The following CLEC9A variants were observed in gnomAD, a reference collection of about 807,000 sequenced individuals.
CLEC9A encodes the protein C-type lectin domain containing 9A.
In CLEC9A, 24 loss-of-function variants were observed where a neutral mutation model predicts 30.0. The ratio of observed to expected loss-of-function variants is 0.80; its 90% CI spans 0.58 to 1.13. The LOEUF (loss-of-function observed/expected upper bound fraction) is 1.13, where lower values mean the gene tolerates loss of function less well. Among genes scored for constraint, CLEC9A ranks in the 50% most tolerant of loss-of-function variants. The probability of loss-of-function intolerance (pLI) is 0.00; values close to 1 mark genes in which losing one functional copy is unlikely to be tolerated. For missense variants in CLEC9A, 251 were observed against 280.9 expected (o/e 0.89, Z 0.76); for synonymous variants, 111 against 96.8 (o/e 1.15, Z -0.86).
chr12:10,049,212 G>A (rs968312156), intron 2 of CLEC9A, among the ~76,000 whole-genome samples: 2 of 152,066 alleles, frequency 1.3e-5, no homozygotes, highest in Non-Finnish European at 2.9e-5. Flanking sequence ...AGTAAACAAT[G>A]CTATAAACAA....
intron 4 of CLEC9A, among the ~76,000 whole-genome samples, chr12:10,053,322 A>G (rs1865912128): frequency 6.6e-6 from 1 of 152,192 alleles, no homozygotes; most frequent in Admixed American, 6.5e-5. Context: ...ATGGATTTCA[A>G]TGGGCTGAAA....
intron 1 of CLEC9A, among the ~76,000 whole-genome samples, chr12:10,033,643 T>C (rs1405579231): frequency 2.0e-5 from 3 of 152,244 alleles, no homozygotes; most frequent in Admixed American, 2.0e-4. Flanking sequence ...GAAAATATTG[T>C]TCACCTTGGA....
At chr12:10,052,535 C>G in intron 3 of CLEC9A, 95 bp from the exon 4 acceptor site, 1 of 1,317,768 alleles carries the variant, frequency 7.6e-7, no homozygotes, top group Non-Finnish European at 9.7e-7. Context: ...AATGAAGGTG[C>G]ATCTATTCTA....
intron 2 of CLEC9A, among the ~76,000 whole-genome samples, chr12:10,048,239 CAA>C (rs34010283): frequency 1.7e-4 from 22 of 130,720 alleles, no homozygotes; most frequent in South Asian, 4.8e-4. Context: ...GACTCCGTCT[CAA>C]AAAAAAAAAA....
intron 2 of CLEC9A, among the ~76,000 whole-genome samples, chr12:10,046,561 A>G (rs1398663365): frequency 2.0e-5 from 3 of 152,222 alleles, no homozygotes; most frequent in Non-Finnish European, 4.4e-5. Context: ...AAGTATTTAT[A>G]GAATACATGG....
chr12:10,056,847 C>T (rs1397780055), intron 5 of CLEC9A, among the ~76,000 whole-genome samples: 1 of 152,054 alleles, frequency 6.6e-6, no homozygotes, highest in Non-Finnish European at 1.5e-5. Flanking sequence ...CCTAAGACTT[C>T]CAGTAATTTC....
chr12:10,062,978 G>A (rs1204134673), intron 6 of CLEC9A, 77 bp from the exon 7 acceptor site: 1 of 1,331,526 alleles, frequency 7.5e-7, no homozygotes, highest in Non-Finnish European at 1.0e-6. Flanking sequence ...TGAGGGTGAG[G>A]CAAGGGGCTT....
At chr12:10,050,342 G>GA (rs1218848142) in intron 2 of CLEC9A, among the ~76,000 whole-genome samples, 15 of 152,308 alleles carry the variant, frequency 9.8e-5, no homozygotes, top group Middle Eastern at 3.4e-3. Flanking sequence ...AAATGGCACT[G>GA]ATAGGATTGC....
intron 7 of CLEC9A, 28 bp downstream of exon 7, chr12:10,063,234 A>G: frequency 1.3e-6 from 2 of 1,509,574 alleles, no homozygotes; most frequent in Admixed American, 2.4e-5. Context: ...GTCTCATGTT[A>G]TTCTGAAAAT....
chr12:10,041,305 G>A (rs1865795477), intron 1 of CLEC9A, among the ~76,000 whole-genome samples, 161 bp from the exon 2 acceptor site: 2 of 152,092 alleles, frequency 1.3e-5, no homozygotes, highest in African/African-American at 4.8e-5. Context: ...GGCACTTTTA[G>A]TAGGTATTGT....
chr12:10,041,282 A>T (rs967804894), intron 1 of CLEC9A, among the ~76,000 whole-genome samples, 184 bp from the exon 2 acceptor site: 4 of 152,112 alleles, frequency 2.6e-5, no homozygotes, highest in African/African-American at 9.7e-5. Flanking sequence ...AAACAAACAA[A>T]AAAAAACAGA....
chr12:10,054,378 T>C (rs1250222292), intron 5 of CLEC9A, 27 bp downstream of exon 5: 1 of 1,440,862 alleles, frequency 6.9e-7, no homozygotes, highest in South Asian at 1.2e-5. Context: ...ATTTTCAAAA[T>C]ATGTATATCG....
chr12:10,065,161 C>T (rs1223221877), intron 8 of CLEC9A, among the ~76,000 whole-genome samples: 2 of 152,036 alleles, frequency 1.3e-5, no homozygotes, highest in Non-Finnish European at 2.9e-5. Flanking sequence ...TATTTATTTC[C>T]ACATTAAGCT....
At chr12:10,064,898 G>C (rs760512341) in intron 8 of CLEC9A, 45 bp downstream of exon 8, 21 of 1,590,036 alleles carry the variant, frequency 1.3e-5, no homozygotes, top group Non-Finnish European at 1.8e-5. Flanking sequence ...AGAAACATGA[G>C]GGAATTCAAA....
chr12:10,059,658 C>T (rs930770159), intron 5 of CLEC9A, among the ~76,000 whole-genome samples: 1 of 152,122 alleles, frequency 6.6e-6, no homozygotes, highest in Non-Finnish European at 1.5e-5. Flanking sequence ...TGTGGTGGCT[C>T]ATGCCTATAA....
chr12:10,055,399 T>A (rs1437119096), intron 5 of CLEC9A, among the ~76,000 whole-genome samples: 2 of 152,190 alleles, frequency 1.3e-5, no homozygotes. Context: ...CTGTAAAAAT[T>A]GAGGACTTTA....
At chr12:10,037,418 G>A (rs374128162) in intron 1 of CLEC9A, among the ~76,000 whole-genome samples, 30 of 151,676 alleles carry the variant, frequency 2.0e-4, no homozygotes, top group African/African-American at 5.6e-4. Context: ...TTTCAGCTCC[G>A]TGTCTCAGGT....
At chr12:10,042,899 T>C (rs2137300459) in intron 2 of CLEC9A, among the ~76,000 whole-genome samples, 1 of 152,338 alleles carries the variant, frequency 6.6e-6, no homozygotes, top group Middle Eastern at 3.4e-3. Context: ...TTCACATTTA[T>C]TCCTTTGAGT....
At chr12:10,039,202 T>C (rs1366991218) in intron 1 of CLEC9A, among the ~76,000 whole-genome samples, 3 of 152,222 alleles carry the variant, frequency 2.0e-5, no homozygotes, top group Non-Finnish European at 4.4e-5. Context: ...GTCGGGCTGG[T>C]GGCTCTGGGG....
Sources: gnomAD v4.1 joint callset for allele counts (sites outside exome capture counted in the v4.1 genomes callset) on GRCh38, gnomAD v4.1.1 for gene constraint, MANE v1.5 for transcripts, NCBI Gene and HGNC (gene_info 2026-07-23, HGNC 2026-07-21) for gene names.